PTPRD: variants seen among roughly 807,000 people sequenced by gnomAD.
PTPRD encodes the protein protein tyrosine phosphatase receptor type D.
Under a neutral mutation model 214.5 loss-of-function variants are expected in PTPRD, and 34 were observed. The ratio of observed to expected loss-of-function variants is 0.16; its 90% confidence interval spans 0.12 to 0.21. The LOEUF (loss-of-function observed/expected upper bound fraction) is 0.21, where lower values mean the gene tolerates loss of function less well. Among genes scored for constraint, PTPRD ranks in the 10% least tolerant of loss-of-function variants. PTPRD has a pLI of 1.00. For synonymous variants in PTPRD, 1,128 were observed against 845.7 expected, an observed-to-expected ratio of 1.33 and a Z score of -5.79; for missense variants, 2,545 against 2,398.7, an observed-to-expected ratio of 1.06 and a Z score of -1.27.
intron 2 of PTPRD, among the ~76,000 whole-genome samples, chr9:10,546,557 A>G (rs1258479853): frequency 6.6e-6 from 1 of 151,990 alleles, no homozygotes; most frequent in African/African-American, 2.4e-5. Context: ...GTTAAAAGTG[A>G]GGAAAGAACA....
intron 10 of PTPRD, among the ~76,000 whole-genome samples, chr9:9,111,040 A>G (rs896678116): frequency 2.0e-5 from 3 of 152,024 alleles, no homozygotes; most frequent in African/African-American, 4.8e-5. Context: ...GATGCCATCT[A>G]CATCCTCATG....
chr9:9,874,022 T>A (rs2066174943), intron 5 of PTPRD, among the ~76,000 whole-genome samples: 1 of 152,158 alleles, frequency 6.6e-6, no homozygotes, highest in African/African-American at 2.4e-5. Flanking sequence ...TTTAGGATTT[T>A]AAGATATTTT....
chr9:10,205,091 G>A (rs182282256), intron 3 of PTPRD, among the ~76,000 whole-genome samples: 9 of 152,060 alleles, frequency 5.9e-5, no homozygotes, highest in African/African-American at 2.2e-4. Flanking sequence ...CCAGCCATAT[G>A]CCTTATCTAT....
At chr9:10,091,478 T>C (rs891139739) in intron 3 of PTPRD, among the ~76,000 whole-genome samples, 3 of 151,576 alleles carry the variant, frequency 2.0e-5, no homozygotes, top group East Asian at 1.9e-4. Context: ...AAAATATACA[T>C]TTCAAATGAG....
intron 8 of PTPRD, among the ~76,000 whole-genome samples, chr9:9,469,066 G>A (rs1388741107): frequency 6.6e-6 from 1 of 152,102 alleles, no homozygotes; most frequent in Non-Finnish European, 1.5e-5. Flanking sequence ...CACTTGAAAT[G>A]TTTGGCCCAA....
intron 10 of PTPRD, among the ~76,000 whole-genome samples, chr9:9,170,222 C>A (rs2099911767): frequency 6.6e-6 from 1 of 152,132 alleles, no homozygotes; most frequent in African/African-American, 2.4e-5. Context: ...TCAGAAGAAT[C>A]TGACACTAAG....
chr9:9,503,370 A>G (rs1470136207), intron 8 of PTPRD, among the ~76,000 whole-genome samples: 1 of 151,678 alleles, frequency 6.6e-6, no homozygotes, highest in Non-Finnish European at 1.5e-5. Flanking sequence ...CTCTGATAAC[A>G]AAGTGACTCA....
chr9:9,818,569 C>T (rs889110556), intron 5 of PTPRD, among the ~76,000 whole-genome samples: 1 of 152,058 alleles, frequency 6.6e-6, no homozygotes, highest in African/African-American at 2.4e-5. Flanking sequence ...TTTAGGAAAA[C>T]TACATTGTGA....
chr9:9,318,624 T>G (rs1207989774), intron 9 of PTPRD, among the ~76,000 whole-genome samples: 1 of 152,174 alleles, frequency 6.6e-6, no homozygotes, highest in African/African-American at 2.4e-5. Context: ...TATAATCACT[T>G]TTTCCCTTTA....
intron 4 of PTPRD, among the ~76,000 whole-genome samples, chr9:9,994,727 T>A (rs958738582): frequency 6.6e-6 from 1 of 152,166 alleles, no homozygotes; most frequent in South Asian, 2.1e-4. Flanking sequence ...ATATTTACAA[T>A]TGAACAAATG....
At chr9:9,965,157 C>T (rs1035153781) in intron 4 of PTPRD, among the ~76,000 whole-genome samples, 3 of 152,044 alleles carry the variant, frequency 2.0e-5, no homozygotes, top group Non-Finnish European at 4.4e-5. Context: ...TCAAACTGCC[C>T]TTAAAAATTG....
intron 44 of PTPRD, among the ~76,000 whole-genome samples, chr9:8,331,199 T>TTC (rs1177603754): frequency 1.3e-5 from 2 of 148,834 alleles, no homozygotes; most frequent in African/African-American, 5.2e-5. Flanking sequence ...TTGATAGCTA[T>TTC]TCATGAGGTT....
intron 8 of PTPRD, among the ~76,000 whole-genome samples, chr9:9,505,473 C>G (rs2096549068): frequency 6.6e-6 from 1 of 151,358 alleles, no homozygotes; most frequent in South Asian, 2.1e-4. Context: ...AATTCTGAAC[C>G]CTGGAATAAA....
chr9:10,094,539 C>CT (rs5896370), intron 3 of PTPRD, among the ~76,000 whole-genome samples: 2,186 of 121,116 alleles, frequency 0.018, 55 homozygotes, highest in African/African-American at 0.06. Flanking sequence ...TTCTTTCTTT[C>CT]TTTTTTTTTT....
chr9:8,403,896 T>G (rs1322299513), intron 36 of PTPRD, among the ~76,000 whole-genome samples: 1 of 152,206 alleles, frequency 6.6e-6, no homozygotes, highest in African/African-American at 2.4e-5. Context: ...GGGCCTCTTC[T>G]GACAATCACC....
intron 3 of PTPRD, among the ~76,000 whole-genome samples, chr9:10,243,356 T>C (rs887335061): frequency 3.3e-5 from 5 of 149,838 alleles, no homozygotes; most frequent in Admixed American, 1.3e-4. Flanking sequence ...TAATGTTTTA[T>C]GTTTATCACT....
chr9:8,325,801 T>G (rs1427525887), intron 44 of PTPRD, among the ~76,000 whole-genome samples: 1 of 111,276 alleles, frequency 9.0e-6, no homozygotes, highest in African/African-American at 7.5e-5. Context: ...TTCACATTCC[T>G]TGTTAAGTTG....
chr9:9,730,279 A>T (rs1223118646), intron 7 of PTPRD, among the ~76,000 whole-genome samples: 4 of 152,160 alleles, frequency 2.6e-5, no homozygotes, highest in African/African-American at 9.6e-5. Flanking sequence ...TGTTAAAAAA[A>T]ATTCAGGACG....
chr9:9,884,042 T>C (rs1252663582), intron 5 of PTPRD, among the ~76,000 whole-genome samples: 1 of 152,114 alleles, frequency 6.6e-6, no homozygotes, highest in Non-Finnish European at 1.5e-5. Context: ...ATATACATTA[T>C]CTAAGACTTA....
Sources: allele counts gnomAD v4.1 joint callset (sites outside exome capture counted in the v4.1 genomes callset), GRCh38; gene constraint gnomAD v4.1.1; transcripts MANE v1.5; gene names NCBI Gene and HGNC (gene_info 2026-07-23, HGNC 2026-07-21).